ERC1: variants seen among roughly 807,000 people sequenced by gnomAD.
ERC1 encodes the protein ELKS/RAB6-interacting/CAST family member 1.
A neutral mutation model predicts 132.0 loss-of-function variants in ERC1; 56 were observed. The observed-to-expected ratio is 0.42, with a 90% CI of 0.34 to 0.53. ERC1 has a LOEUF of 0.53. Among genes scored for constraint, ERC1 ranks in the 20% least tolerant of loss-of-function variants. The pLI, the probability that ERC1 is intolerant of heterozygous loss-of-function variation, is 0.03. For synonymous variants in ERC1, 478 were observed against 476.1 expected (o/e 1.00, Z -0.05); for missense variants, 1,202 against 1,349.9 (o/e 0.89, Z 1.72).
At chr12:1,097,858 G>A (rs1015897494) in intron 3 of ERC1, among the ~76,000 whole-genome samples, 5 of 151,880 alleles carry the variant, frequency 3.3e-5, no homozygotes, top group Non-Finnish European at 7.4e-5. Context: ...GGGATTGCAG[G>A]TGCCCCCCAC....
chr12:1,195,862 T>C (rs1312850038), intron 12 of ERC1, among the ~76,000 whole-genome samples: 1 of 149,456 alleles, frequency 6.7e-6, no homozygotes, highest in African/African-American at 2.5e-5. Context: ...GATATAATTA[T>C]GTACTTATTT....
chr12:1,302,481 C>A (rs2080478571), intron 15 of ERC1, among the ~76,000 whole-genome samples: 1 of 151,820 alleles, frequency 6.6e-6, no homozygotes, highest in East Asian at 1.9e-4. Flanking sequence ...CCTAGTAATG[C>A]AAGAAAAGAA....
At chr12:1,099,662 A>G (rs1944431225) in intron 3 of ERC1, among the ~76,000 whole-genome samples, 1 of 152,150 alleles carries the variant, frequency 6.6e-6, no homozygotes, top group African/African-American at 2.4e-5. Context: ...GGGTGCTGAT[A>G]TACATCAGAG....
intron 7 of ERC1, among the ~76,000 whole-genome samples, chr12:1,123,563 T>C (rs898544488): frequency 1.3e-5 from 2 of 152,270 alleles, no homozygotes; most frequent in South Asian, 4.1e-4. Flanking sequence ...AAATAGGCCT[T>C]CCCAAATATG....
At chr12:1,265,627 G>A (rs898095719) in intron 14 of ERC1, among the ~76,000 whole-genome samples, 4 of 152,138 alleles carry the variant, frequency 2.6e-5, no homozygotes, top group Non-Finnish European at 4.4e-5. Flanking sequence ...GCACAGTCCC[G>A]TGAGTTTTGC....
At chr12:1,273,692 T>C (rs978010731) in intron 14 of ERC1, among the ~76,000 whole-genome samples, 5 of 152,182 alleles carry the variant, frequency 3.3e-5, no homozygotes, top group African/African-American at 1.2e-4. Context: ...GTGGCTACTA[T>C]ATTGGACAGT....
At chr12:1,336,551 G>A (rs1056136551) in intron 15 of ERC1, among the ~76,000 whole-genome samples, 1 of 152,080 alleles carries the variant, frequency 6.6e-6, no homozygotes, top group Admixed American at 6.5e-5. Flanking sequence ...CCATATAATG[G>A]TATGGTTTCG....
chr12:1,210,457 C>A (rs1458093955), intron 12 of ERC1, among the ~76,000 whole-genome samples: 1 of 152,094 alleles, frequency 6.6e-6, no homozygotes, highest in African/African-American at 2.4e-5. Flanking sequence ...CAGCTCTTGT[C>A]TGGGTTGTCA....
At chr12:1,276,248 T>C (rs1369834164) in intron 14 of ERC1, among the ~76,000 whole-genome samples, 4 of 148,580 alleles carry the variant, frequency 2.7e-5, no homozygotes, top group African/African-American at 7.3e-5. Flanking sequence ...TTTCTTTTTT[T>C]TTTTTTGAGA....
intron 8 of ERC1, among the ~76,000 whole-genome samples, chr12:1,146,819 T>C (rs956876621): frequency 3.0e-5 from 4 of 132,916 alleles, no homozygotes; most frequent in Non-Finnish European, 6.2e-5. Context: ...TTCCCCTTCC[T>C]GTGTCCATAT....
rs545802674 is a variant in ERC1 at position 1,080,231 on chromosome 12, T to C, written c.670-2933T>C. Among the ~76,000 whole-genome samples, 17 of 152,344 alleles carry C rather than the reference T, an allele frequency of 1.1e-4. No homozygotes were observed. The East Asian group carries it at 3.3e-3, about 29-fold the overall frequency. ...ATATCCCATCTATCTCCAGAACTCT[T>C]TTCATCTTGACAGACTGAAACTGTA... On this transcript the variant is annotated intron_variant, in intron 2 of 18. Transcript: ENST00000360905.
intron 15 of ERC1, among the ~76,000 whole-genome samples, chr12:1,310,214 A>ATTTTGTTTTGTTTTGTTTTGTTGTG (rs149839604): frequency 6.9e-6 from 1 of 144,342 alleles, no homozygotes; most frequent in South Asian, 2.2e-4. Flanking sequence ...GTTCTTTTTT[A>ATTTTGTTTTGTTTTGTTTTGTTGTG]TTTTATTTTA....
chr12:1,015,232 G>A (rs142449648), intron 1 of ERC1, among the ~76,000 whole-genome samples: 213 of 151,600 alleles, frequency 1.4e-3, no homozygotes, highest in African/African-American at 4.7e-3. Context: ...GGTAAGTTTT[G>A]TATTTTGGTA....
chr12:1,216,894 T>C (rs1958482440), intron 12 of ERC1, among the ~76,000 whole-genome samples: 1 of 152,072 alleles, frequency 6.6e-6, no homozygotes, highest in Admixed American at 6.6e-5. Flanking sequence ...AGAATAATAA[T>C]ACAATTAAGG....
intron 14 of ERC1, among the ~76,000 whole-genome samples, chr12:1,268,666 T>C (rs1180024486): frequency 1.3e-5 from 2 of 152,108 alleles, no homozygotes; most frequent in African/African-American, 4.8e-5. Flanking sequence ...CTCGGGAGGC[T>C]GAGGCAGGAG....
intron 12 of ERC1, among the ~76,000 whole-genome samples, chr12:1,233,470 C>CAAAAAAAAA (rs60542316): frequency 1.4e-5 from 1 of 71,504 alleles, no homozygotes; most frequent in Non-Finnish European, 2.7e-5. Context: ...GACCCTGTCT[C>CAAAAAAAAA]AAAAAAAAAA....
intron 13 of ERC1, among the ~76,000 whole-genome samples, chr12:1,250,846 TA>T (rs2076427434): frequency 6.6e-6 from 1 of 152,162 alleles, no homozygotes; most frequent in African/African-American, 2.4e-5. Context: ...ATAACAAAGA[TA>T]AGTATCTGAA....
Position 1,463,697 on chromosome 12 carries a change from C to CTGTGTGTGTGTG in ERC1, c.3213+18971_3213+18982dup, listed in dbSNP as rs57210462. Among the ~76,000 whole-genome samples, 979 of 136,102 alleles carry CTGTGTGTGTGTG rather than the reference C, an allele frequency of 7.2e-3. 14 individuals are homozygous for CTGTGTGTGTGTG. The highest frequency in any genetic ancestry group is 0.026 in the African/African-American group (892 of 34,114). 89.3% of individuals were successfully genotyped at this position (136,102 alleles called of 152,430 possible). ...GAAGAGAGGGGTTGGGGTGCTAAGA[C>CTGTGTGTGTGTG]TGTGTGTGTGTGTGTGTGTGTGTGT... On this transcript the variant is annotated intron_variant, in intron 18 of 18. Transcript: ENST00000360905.
At chr12:1,038,571 G>T (rs1262494502) in intron 2 of ERC1, among the ~76,000 whole-genome samples, 1 of 152,070 alleles carries the variant, frequency 6.6e-6, no homozygotes, top group Non-Finnish European at 1.5e-5. Context: ...ATCTTGGCCA[G>T]ACTGGTCTTG....
Sources: allele counts gnomAD v4.1 joint callset (sites outside exome capture counted in the v4.1 genomes callset), GRCh38; gene constraint gnomAD v4.1.1; transcripts MANE v1.5; gene names NCBI Gene and HGNC (gene_info 2026-07-23, HGNC 2026-07-21).